The following LNP1 variants were observed in gnomAD, a reference collection of about 807,000 sequenced individuals.
LNP1 encodes the protein leukemia NUP98 fusion partner 1.
LNP1 carries 12 observed loss-of-function variants against 14.5 expected under a neutral mutation model. That is an observed-to-expected ratio of 0.83 (90% CI 0.53 to 1.34). LNP1 has a LOEUF of 1.34. Among genes scored for constraint, LNP1 ranks in the 40% most tolerant of loss-of-function variants. The pLI is 0.00. For synonymous variants in LNP1, 75 were observed against 71.4 expected (o/e 1.05, Z -0.26); for missense variants, 198 against 210.9 (o/e 0.94, Z 0.38).
At chr3:100,414,235 C>T (rs1322255790) in intron 1 of LNP1, among the ~76,000 whole-genome samples, 2 of 151,990 alleles carry the variant, frequency 1.3e-5, no homozygotes, top group Admixed American at 1.3e-4. Context: ...CTGAAGGGTT[C>T]AAGATGGTTT....
chr3:100,411,870 T>C (rs1707034991), intron 1 of LNP1, among the ~76,000 whole-genome samples: 1 of 152,030 alleles, frequency 6.6e-6, no homozygotes, highest in Admixed American at 6.6e-5. Flanking sequence ...AACATATGGA[T>C]TTTGGGGGAA....
intron 2 of LNP1, among the ~76,000 whole-genome samples, chr3:100,438,064 A>G (rs979524200): frequency 2.0e-5 from 3 of 152,202 alleles, no homozygotes; most frequent in Non-Finnish European, 2.9e-5. Flanking sequence ...TGCCAGGTAC[A>G]TACTGTGCAC....
At chr3:100,411,883 CG>C (rs1215498684) in intron 1 of LNP1, among the ~76,000 whole-genome samples, 2 of 151,928 alleles carry the variant, frequency 1.3e-5, no homozygotes, top group African/African-American at 2.4e-5. Context: ...TGGGGGAACA[CG>C]GGGGACAAAA....
intron 1 of LNP1, among the ~76,000 whole-genome samples, chr3:100,407,805 C>T (rs1706984214): frequency 6.6e-6 from 1 of 152,072 alleles, no homozygotes; most frequent in African/African-American, 2.4e-5. Context: ...CTTTCTTCTC[C>T]TCTGTATATT....
intron 1 of LNP1, among the ~76,000 whole-genome samples, chr3:100,425,255 C>G (rs1707181450): frequency 6.6e-6 from 1 of 152,222 alleles, no homozygotes; most frequent in African/African-American, 2.4e-5. Context: ...GGAATTCAGC[C>G]TATGGTTTCC....
In LNP1 at chr3:100,429,711, T is replaced by C; in HGVS notation, c.-19T>C. On this transcript the variant is annotated 5_prime_UTR_variant, in exon 2 of 4. Transcript: ENST00000383693. ...GTCGCATTTAGGGACAGGCCTTCAG[T>C]ATTTGGCATCACCTTTACATGGAGC... 1 of 1,611,654 alleles carries C rather than the reference T, an allele frequency of 6.2e-7. No homozygotes were observed. Among genetic ancestry groups the C allele is most frequent in the East Asian group, 2.2e-5 (1 of 44,840 alleles).
chr3:100,429,765 T>C lies in LNP1; in HGVS notation c.36T>C (p.Ser12=). The C allele has an allele frequency of 6.2e-7, 1 of 1,613,924 alleles. No individual in the cohort carries two copies. Among genetic ancestry groups the C allele is most frequent in the Non-Finnish European group, 8.5e-7 (1 of 1,179,926 alleles). ...AAGATGATGATGATGATGATGTGTC[T>C]TTTGCCAAATGGATGAGCAGCTTCT... The part of the protein sequence containing the change: ...EHKDDDDDDV[S]FAKWMSSFWG... The change falls in exon 2 of 4, where the codon TCT becomes TCC. Residue 12 remains serine, a synonymous_variant. Coordinates refer to ENST00000383693, the MANE Select transcript of LNP1 (RefSeq NM_001085451.2).
At chr3:100,415,199 G>A (rs549617576) in intron 1 of LNP1, among the ~76,000 whole-genome samples, 8 of 151,964 alleles carry the variant, frequency 5.3e-5, no homozygotes, top group African/African-American at 9.7e-5. Context: ...CAAAAGAGTC[G>A]GAAGATAAGA....
intron 1 of LNP1, among the ~76,000 whole-genome samples, chr3:100,420,620 G>A (rs1293867113): frequency 6.6e-6 from 1 of 151,974 alleles, no homozygotes; most frequent in Non-Finnish European, 1.5e-5. Context: ...CCTGGCCTTT[G>A]TTTTCTGATT....
At chr3:100,445,673 T>G (rs1707380687) in intron 2 of LNP1, among the ~76,000 whole-genome samples, 1 of 152,074 alleles carries the variant, frequency 6.6e-6, no homozygotes. Context: ...AAGTTTTTGG[T>G]TTTTAAAAAA....
chr3:100,411,137 A>C (rs1338855468), intron 1 of LNP1, among the ~76,000 whole-genome samples: 1 of 152,218 alleles, frequency 6.6e-6, no homozygotes, highest in Non-Finnish European at 1.5e-5. Flanking sequence ...TAAGATCCAA[A>C]GGAATTTTCC....
At chr3:100,403,341 A>G (rs986985921) in intron 1 of LNP1, among the ~76,000 whole-genome samples, 2 of 152,376 alleles carry the variant, frequency 1.3e-5, no homozygotes, top group Admixed American at 1.3e-4. Flanking sequence ...ATATGTGAAC[A>G]TAGACATTAT....
In LNP1 at chr3:100,455,776, G is replaced by A. The variant is rs1303445398; in HGVS notation, c.388-1G>A. On this transcript the variant is annotated splice_acceptor_variant, in intron 3 of 3. Transcript: ENST00000383693. LOFTEE classifies it high-confidence loss of function. ...ACCTGTTTCTGATCTTTCCCTTTCAGGGACCTGAAAGCAGAAAGGAGAGAA... is the reference window on the plus strand; with the variant it reads ...ACCTGTTTCTGATCTTTCCCTTTCAAGGACCTGAAAGCAGAAAGGAGAGAA... 1.2e-6 allele frequency: 2 copies of A among 1,613,690 alleles called. No homozygotes were observed. Among genetic ancestry groups the A allele is most frequent in the Non-Finnish European group, 1.7e-6 (2 of 1,179,842 alleles).
At chr3:100,448,770 A>G (rs1431962798) in intron 2 of LNP1, among the ~76,000 whole-genome samples, 1 of 152,206 alleles carries the variant, frequency 6.6e-6, no homozygotes, top group African/African-American at 2.4e-5. Context: ...GCTCTTTTAT[A>G]TATTTTCAGT....
At chr3:100,437,080 C>CT (rs1291134510) in intron 2 of LNP1, among the ~76,000 whole-genome samples, 1 of 152,178 alleles carries the variant, frequency 6.6e-6, no homozygotes, top group African/African-American at 2.4e-5. Context: ...GCTACTCAGC[C>CT]TATGGTATTT....
At chr3:100,441,918 G>A (rs565094154) in intron 2 of LNP1, among the ~76,000 whole-genome samples, 27 of 152,162 alleles carry the variant, frequency 1.8e-4, no homozygotes, top group South Asian at 8.3e-4. Flanking sequence ...ACTCGCCTCG[G>A]CCTCTCAAAG....
In LNP1 at chr3:100,429,079, T is replaced by C. The variant is rs558156808; in HGVS notation, c.-33-618T>C. On this transcript the variant is annotated intron_variant, in intron 1 of 3. Transcript: ENST00000383693. ...AAAAATTCATCAAGCTGTGCACTTA[T>C]GATTTGTACATTTTACACGTACTTG... is the stretch of plus-strand genomic sequence containing the variant. Among the ~76,000 whole-genome samples, 10 of 152,358 alleles carry C rather than the reference T, an allele frequency of 6.6e-5. No individual in the cohort carries two copies. In the East Asian group the frequency reaches 1.3e-3, roughly 21 times the overall value.
At chr3:100,443,796 G>A (rs919683826) in intron 2 of LNP1, among the ~76,000 whole-genome samples, 1 of 152,150 alleles carries the variant, frequency 6.6e-6, no homozygotes, top group African/African-American at 2.4e-5. Context: ...GATTCTTATT[G>A]CACTTAAGCA....
intron 3 of LNP1, among the ~76,000 whole-genome samples, chr3:100,453,966 T>C (rs1209038307): frequency 6.6e-6 from 1 of 152,208 alleles, no homozygotes; most frequent in African/African-American, 2.4e-5. Context: ...CTGTGCTCTA[T>C]TTTACCCTGG....
Sources: gnomAD v4.1 joint callset for allele counts (sites outside exome capture counted in the v4.1 genomes callset) on GRCh38, gnomAD v4.1.1 for gene constraint, MANE v1.5 for transcripts, NCBI Gene and HGNC (gene_info 2026-07-23, HGNC 2026-07-21) for gene names.